SYBU: variants seen among roughly 807,000 people sequenced by gnomAD.
SYBU encodes the protein syntabulin.
SYBU carries 21 observed loss-of-function variants against 35.9 expected under a neutral mutation model. The observed-to-expected ratio is 0.58, with a 90% confidence interval of 0.41 to 0.84. The LOEUF is 0.84. SYBU is among the 40% of genes least tolerant of loss of function. SYBU has a pLI of 0.00. For synonymous variants in SYBU, 319 were observed against 324.3 expected (o/e 0.98, Z 0.18); for missense variants, 768 against 848.2 (o/e 0.91, Z 1.17).
intron 3 of SYBU, among the ~76,000 whole-genome samples, chr8:109,587,398 A>C (rs1823741872): frequency 6.6e-6 from 1 of 152,212 alleles, no homozygotes. Flanking sequence ...AGAAAACTGA[A>C]GCTGTTTGTC....
At chr8:109,672,271 C>T (rs1586987061) in intron 1 of SYBU, among the ~76,000 whole-genome samples, 1 of 145,466 alleles carries the variant, frequency 6.9e-6, no homozygotes. Context: ...CTCCGGTCTG[C>T]AGCTCCCAGC....
intron 2 of SYBU, among the ~76,000 whole-genome samples, chr8:109,623,024 C>A (rs968833687): frequency 7.3e-6 from 1 of 136,522 alleles, no homozygotes; most frequent in Non-Finnish European, 1.5e-5. Flanking sequence ...CAGGAGCGTG[C>A]GCGCGCGCAC....
intron 2 of SYBU, 36 bp from the exon 3 acceptor site, chr8:109,619,075 G>A (rs761804371): frequency 3.9e-6 from 6 of 1,538,266 alleles, no homozygotes; most frequent in Non-Finnish European, 4.5e-6. Flanking sequence ...TTAATGATGA[G>A]GAGGAAATCA....
chr8:109,618,063 A>G (rs1234409763), intron 3 of SYBU, among the ~76,000 whole-genome samples: 1 of 152,242 alleles, frequency 6.6e-6, no homozygotes, highest in Admixed American at 6.5e-5. Context: ...GCAAGCCAGT[A>G]ATCTGTCTTT....
At chr8:109,687,770 G>C (rs764882811) in intron 1 of SYBU, among the ~76,000 whole-genome samples, 2 of 152,126 alleles carry the variant, frequency 1.3e-5, no homozygotes, top group African/African-American at 4.8e-5. Context: ...ATGTCACATG[G>C]TATTATTATA....
chr8:109,680,221 T>C (rs1817352219), intron 1 of SYBU: 1 of 152,220 alleles, frequency 6.6e-6, no homozygotes, highest in African/African-American at 2.4e-5. Context: ...TACAAAATTA[T>C]TATATAATCT....
At chr8:109,618,790 A>G (rs1242791512) in intron 3 of SYBU, 52 bp downstream of exon 3, 3 of 1,535,992 alleles carry the variant, frequency 2.0e-6, no homozygotes, top group Non-Finnish European at 1.8e-6. Context: ...TAAACATGAA[A>G]CTACTCCCAT....
chr8:109,663,686 C>CT (rs889767120), intron 1 of SYBU, among the ~76,000 whole-genome samples: 103 of 151,768 alleles, frequency 6.8e-4, no homozygotes, highest in African/African-American at 2.0e-3. Context: ...AAAATGTTCT[C>CT]TTTTTTTTCA....
chr8:109,662,582 C>A (rs761367215), intron 1 of SYBU, among the ~76,000 whole-genome samples: 2 of 152,158 alleles, frequency 1.3e-5, no homozygotes, highest in Admixed American at 1.3e-4. Context: ...CAGAGTCTAA[C>A]CTATTTCCAC....
chr8:109,588,421 C>G (rs1381072955), intron 3 of SYBU, among the ~76,000 whole-genome samples: 1 of 152,190 alleles, frequency 6.6e-6, no homozygotes, highest in Non-Finnish European at 1.5e-5. Flanking sequence ...TCAGCACTTT[C>G]CTCTCTTACC....
chr8:109,620,572 T>C (rs2130384480), intron 2 of SYBU, among the ~76,000 whole-genome samples: 1 of 152,326 alleles, frequency 6.6e-6, no homozygotes, highest in Admixed American at 6.5e-5. Context: ...TTATTTCTCT[T>C]GATAATCGTG....
chr8:109,612,020 C>T (rs1052219220), intron 3 of SYBU, among the ~76,000 whole-genome samples: 25 of 152,268 alleles, frequency 1.6e-4, no homozygotes, highest in Middle Eastern at 3.4e-3. Context: ...TCTCCTAGTG[C>T]AATTAAAATT....
At chr8:109,641,035 C>T (rs1814815164) in intron 2 of SYBU, among the ~76,000 whole-genome samples, 2 of 152,164 alleles carry the variant, frequency 1.3e-5, no homozygotes, top group South Asian at 4.1e-4. Context: ...TCTTCTCATA[C>T]ATGTGTTAAT....
intron 2 of SYBU, among the ~76,000 whole-genome samples, chr8:109,642,487 A>G (rs182075011): frequency 1.6e-3 from 239 of 152,376 alleles, no homozygotes; most frequent in African/African-American, 5.5e-3. Flanking sequence ...GTTAGATTTT[A>G]CATTCGAAAT....
intron 1 of SYBU, chr8:109,644,184 G>A: frequency 2.2e-6 from 1 of 462,198 alleles, no homozygotes; most frequent in Non-Finnish European, 4.3e-6. Flanking sequence ...CCAGCCGCAC[G>A]CAGCCTCGGA....
upstream of SYBU, among the ~76,000 whole-genome samples, chr8:109,648,257 A>G (rs1462660308): frequency 7.7e-6 from 1 of 129,620 alleles, no homozygotes; most frequent in Non-Finnish European, 1.5e-5. Context: ...ATATATATAT[A>G]CAATAATATA....
At chr8:109,579,760 G>C (rs1822792236) in intron 5 of SYBU, 39 bp downstream of exon 5, 1 of 1,571,822 alleles carries the variant, frequency 6.4e-7, no homozygotes, top group Non-Finnish European at 8.8e-7. Context: ...TACCAAGTAG[G>C]ACAAACTAAG....
At chr8:109,596,012 T>C (rs898369806) in intron 3 of SYBU, among the ~76,000 whole-genome samples, 1 of 152,248 alleles carries the variant, frequency 6.6e-6, no homozygotes, top group Admixed American at 6.5e-5. Flanking sequence ...CTAGGGATCC[T>C]ACAGCCACAA....
chr8:109,668,217 A>G (rs1816838381), intron 1 of SYBU, among the ~76,000 whole-genome samples: 1 of 141,162 alleles, frequency 7.1e-6, no homozygotes, highest in African/African-American at 2.6e-5. Flanking sequence ...TTAATAGCGT[A>G]GGCATTTCCA....
Sources: gnomAD v4.1 joint callset for allele counts (sites outside exome capture counted in the v4.1 genomes callset) on GRCh38, gnomAD v4.1.1 for gene constraint, MANE v1.5 for transcripts, NCBI Gene and HGNC (gene_info 2026-07-23, HGNC 2026-07-21) for gene names.